Variants in XKR4 observed in about 807,000 individuals in gnomAD.
The protein encoded by XKR4 is XK related 4, also known as XK-related protein 4.
In XKR4, 12 loss-of-function variants were observed where a neutral mutation model predicts 53.9. The ratio of observed to expected loss-of-function variants is 0.22; its 90% CI spans 0.14 to 0.36. The LOEUF is 0.36. XKR4 is among the 10% of genes least tolerant of loss of function. The probability of loss-of-function intolerance (pLI) is 1.00; values close to 1 mark genes in which losing one functional copy is unlikely to be tolerated. For synonymous variants in XKR4, 354 were observed against 362.4 expected (o/e 0.98, Z 0.26); for missense variants, 799 against 859.5 (o/e 0.93, Z 0.88).
At position 55,531,124 on chromosome 8, in the gene XKR4, C is replaced by T. The variant is rs1806946685; in HGVS notation, c.*6897C>T. On this transcript the variant is annotated 3_prime_UTR_variant, in exon 3 of 3. Coordinates refer to ENST00000327381, the MANE Select transcript of XKR4 (RefSeq NM_052898.2). ...TTTCTAAGACTATGCAGTCATGTGT[C>T]ACTTAAGGATGGGGATATGTTCTGA... The T allele has an allele frequency of 6.6e-6, 1 of 152,136 alleles. No individual in the cohort carries two copies. Among genetic ancestry groups the T allele is most frequent in the African/African-American group, 2.4e-5 (1 of 41,424 alleles). 9.4% of individuals were successfully genotyped at this position (152,136 alleles called of 1,614,324 possible).
chr8:55,473,752 G>GT (rs1269979566), intron 2 of XKR4, among the ~76,000 whole-genome samples: 1 of 151,956 alleles, frequency 6.6e-6, no homozygotes, highest in African/African-American at 2.4e-5. Context: ...GTTTACTTTG[G>GT]TAAAATTTCA....
At chr8:55,253,367 T>G (rs1818387047) in intron 1 of XKR4, among the ~76,000 whole-genome samples, 1 of 152,244 alleles carries the variant, frequency 6.6e-6, no homozygotes, top group African/African-American at 2.4e-5. Context: ...ACCATTTATC[T>G]ACATAGATGG....
chr8:55,407,035 A>T (rs1229947227), intron 2 of XKR4, among the ~76,000 whole-genome samples: 1 of 152,192 alleles, frequency 6.6e-6, no homozygotes, highest in African/African-American at 2.4e-5. Flanking sequence ...GGAAACCAGA[A>T]ACATGGCCAA....
chr8:55,377,971 G>A (rs540496933), intron 2 of XKR4, among the ~76,000 whole-genome samples: 5 of 152,294 alleles, frequency 3.3e-5, no homozygotes, highest in Admixed American at 2.6e-4. Flanking sequence ...ATACCTATTC[G>A]ATGCTCGAGG....
At chr8:55,240,978 C>G (rs573586800) in intron 1 of XKR4, among the ~76,000 whole-genome samples, 1 of 152,308 alleles carries the variant, frequency 6.6e-6, no homozygotes, top group Non-Finnish European at 1.5e-5. Flanking sequence ...TAACAGATGA[C>G]TTCACATGGT....
chr8:55,256,943 G>C (rs1287222324), intron 1 of XKR4, among the ~76,000 whole-genome samples: 1 of 152,162 alleles, frequency 6.6e-6, no homozygotes, highest in East Asian at 1.9e-4. Context: ...CAGCAGATGT[G>C]GTGTCTGGTG....
At chr8:55,463,974 G>A (rs1219826225) in intron 2 of XKR4, among the ~76,000 whole-genome samples, 3 of 152,122 alleles carry the variant, frequency 2.0e-5, no homozygotes, top group Admixed American at 6.5e-5. Context: ...TGAAATTGAG[G>A]CAATAATTAA....
chr8:55,156,906 C>G (rs1816915999), intron 1 of XKR4, among the ~76,000 whole-genome samples: 1 of 152,122 alleles, frequency 6.6e-6, no homozygotes, highest in Non-Finnish European at 1.5e-5. Context: ...AAATTGTTAA[C>G]AATTGGATGA....
intron 1 of XKR4, among the ~76,000 whole-genome samples, chr8:55,145,258 A>G (rs1000003736): frequency 1.3e-5 from 2 of 152,116 alleles, no homozygotes; most frequent in Admixed American, 1.3e-4. Context: ...TAATCCACTC[A>G]CACGCTCTGC....
intron 2 of XKR4, among the ~76,000 whole-genome samples, chr8:55,399,120 A>T (rs1222982159): frequency 2.0e-5 from 3 of 152,190 alleles, no homozygotes; most frequent in African/African-American, 7.2e-5. Context: ...AAAGAAAAAG[A>T]TTTATTTCTA....
intron 2 of XKR4, among the ~76,000 whole-genome samples, chr8:55,416,788 A>G (rs975730645): frequency 5.9e-5 from 9 of 152,200 alleles, no homozygotes; most frequent in Non-Finnish European, 1.3e-4. Flanking sequence ...CTGATACCAC[A>G]GCGATTCTCT....
intron 1 of XKR4, among the ~76,000 whole-genome samples, chr8:55,173,589 A>T (rs1563474849): frequency 1.3e-5 from 2 of 152,116 alleles, no homozygotes; most frequent in African/African-American, 4.8e-5. Flanking sequence ...TTATTCTGAC[A>T]GTGTTTTCCT....
chr8:55,457,667 C>T (rs949710781), intron 2 of XKR4, among the ~76,000 whole-genome samples: 17 of 152,178 alleles, frequency 1.1e-4, no homozygotes, highest in Non-Finnish European at 2.2e-4. Context: ...CTAAAGTTCA[C>T]GGGGAGAAAT....
At chr8:55,322,749 A>G (rs1803233385) in intron 1 of XKR4, among the ~76,000 whole-genome samples, 3 of 152,078 alleles carry the variant, frequency 2.0e-5, no homozygotes, top group African/African-American at 7.2e-5. Flanking sequence ...TCTTTACATT[A>G]TATTTGCATT....
At chr8:55,512,304 G>A (rs1806639126) in intron 2 of XKR4, among the ~76,000 whole-genome samples, 1 of 152,152 alleles carries the variant, frequency 6.6e-6, no homozygotes, top group Non-Finnish European at 1.5e-5. Context: ...GGCTGCCAAA[G>A]GTGCAACTGC....
chr8:55,150,547 C>A (rs1263646451), intron 1 of XKR4, among the ~76,000 whole-genome samples: 2 of 152,158 alleles, frequency 1.3e-5, no homozygotes, highest in Non-Finnish European at 2.9e-5. Context: ...CCTCAGCTCA[C>A]CCCCGGAACC....
chr8:55,116,241 C>A (rs115824204), intron 1 of XKR4, among the ~76,000 whole-genome samples: 1,862 of 152,156 alleles, frequency 0.012, 33 homozygotes, highest in African/African-American at 0.041. Context: ...GACTGAAGAG[C>A]CTCTGTATCT....
At chr8:55,104,419 C>T (rs1433075873) in intron 1 of XKR4, among the ~76,000 whole-genome samples, 3 of 152,128 alleles carry the variant, frequency 2.0e-5, no homozygotes, top group Non-Finnish European at 2.9e-5. Flanking sequence ...CTCTGTGGTA[C>T]TGGTGCTCTT....
chr8:55,305,687 AT>A (rs1819285627), intron 1 of XKR4, among the ~76,000 whole-genome samples: 1 of 152,200 alleles, frequency 6.6e-6, no homozygotes, highest in Non-Finnish European at 1.5e-5. Context: ...ACAGCACTGT[AT>A]AAATATTAGG....
Sources: gnomAD v4.1 joint callset for allele counts (sites outside exome capture counted in the v4.1 genomes callset) on GRCh38, gnomAD v4.1.1 for gene constraint, MANE v1.5 for transcripts, NCBI Gene and HGNC (gene_info 2026-07-23, HGNC 2026-07-21) for gene names.